The following RASGRF2 variants were observed in gnomAD, a reference collection of about 807,000 sequenced individuals.
RASGRF2 encodes the protein ras-specific guanine nucleotide-releasing factor 2.
In RASGRF2, 76 loss-of-function variants were observed where a neutral mutation model predicts 151.0. That is an observed-to-expected ratio of 0.50 (90% CI 0.42 to 0.61). The LOEUF is 0.61. Among genes scored for constraint, RASGRF2 ranks in the 20% least tolerant of loss-of-function variants. The probability of loss-of-function intolerance (pLI) is 0.00; values close to 1 mark genes in which losing one functional copy is unlikely to be tolerated. For synonymous variants in RASGRF2, 504 were observed against 566.5 expected, an observed-to-expected ratio of 0.89 and a Z score of 1.57; for missense variants, 1,148 against 1,564.6, an observed-to-expected ratio of 0.73 and a Z score of 4.49.
At chr5:80,971,348 G>A (rs1747925299) in intron 1 of RASGRF2, among the ~76,000 whole-genome samples, 1 of 152,114 alleles carries the variant, frequency 6.6e-6, no homozygotes, top group South Asian at 2.1e-4. Flanking sequence ...TTTCATGTTG[G>A]ATTTCTCTTC....
At chr5:81,174,589 G>C (rs892480145) in intron 17 of RASGRF2, among the ~76,000 whole-genome samples, 1 of 152,188 alleles carries the variant, frequency 6.6e-6, no homozygotes, top group Non-Finnish European at 1.5e-5. Flanking sequence ...TCATAGCAAA[G>C]CACAAACTTG....
chr5:80,994,937 AT>A (rs1748786244), intron 1 of RASGRF2, among the ~76,000 whole-genome samples: 1 of 152,138 alleles, frequency 6.6e-6, no homozygotes, highest in Non-Finnish European at 1.5e-5. Context: ...CACGATTAAC[AT>A]ATGGAATATT....
At chr5:81,003,424 C>T (rs1029648471) in intron 1 of RASGRF2, among the ~76,000 whole-genome samples, 9 of 152,228 alleles carry the variant, frequency 5.9e-5, no homozygotes, top group African/African-American at 1.4e-4. Flanking sequence ...AGGGTTTCAC[C>T]AGGTTAGCCA....
intron 1 of RASGRF2, among the ~76,000 whole-genome samples, chr5:80,987,756 C>T (rs1466229445): frequency 6.6e-6 from 1 of 152,176 alleles, no homozygotes; most frequent in Non-Finnish European, 1.5e-5. Flanking sequence ...TTTCATATAA[C>T]TTGAAATACT....
intron 24 of RASGRF2, chr5:81,217,028 C>T (rs1755754689): frequency 4.5e-6 from 2 of 445,034 alleles, no homozygotes; most frequent in African/African-American, 2.0e-5. Flanking sequence ...CAAGCTTCTA[C>T]CCCTCAAAAA....
At chr5:81,078,461 T>C (rs945794429) in intron 5 of RASGRF2, among the ~76,000 whole-genome samples, 1 of 152,190 alleles carries the variant, frequency 6.6e-6, no homozygotes, top group African/African-American at 2.4e-5. Context: ...TGAGATTAAC[T>C]TTTTTAGCTT....
Position 81,229,282 on chromosome 5 carries a change from A to AC in RASGRF2, c.*3513dup, listed in dbSNP as rs1400706095. 1 of 152,240 alleles carries AC rather than the reference A, an allele frequency of 6.6e-6. No individual in the cohort carries two copies. Among genetic ancestry groups the AC allele is most frequent in the Admixed American group, 6.5e-5 (1 of 15,284 alleles). The allele number at this position is 152,240 out of a possible 1,614,324, so 9.4% of individuals were successfully genotyped here. ...AACTATCGAAAAGGCATAAAAGAGA[A>AC]CATACTATTTATGGCTGAAGGGTAT... On this transcript the variant is annotated 3_prime_UTR_variant, in exon 27 of 27. Transcript: ENST00000265080.
chr5:81,132,435 T>C (rs1416222134), intron 17 of RASGRF2, among the ~76,000 whole-genome samples: 2 of 152,206 alleles, frequency 1.3e-5, no homozygotes, highest in Non-Finnish European at 2.9e-5. Context: ...GGGGAGGTGA[T>C]ACCAGTCTCT....
chr5:81,026,091 CCCTTCCTCTGTTCCTTCCTCT>C (rs1554086663), intron 1 of RASGRF2, among the ~76,000 whole-genome samples: 1 of 142,146 alleles, frequency 7.0e-6, no homozygotes, highest in Non-Finnish European at 1.5e-5. Flanking sequence ...CTTCCTTCCT[CCCTTCCTCTGTTCCTTCCTCT>C]CCTTCCTCTC....
intron 17 of RASGRF2, among the ~76,000 whole-genome samples, chr5:81,143,332 G>T (rs753693218): frequency 6.6e-6 from 1 of 151,672 alleles, no homozygotes; most frequent in Non-Finnish European, 1.5e-5. Context: ...ATTTTTAGTA[G>T]AGATGGGGTT....
In RASGRF2 at chr5:81,206,915, A is replaced by G. The variant is rs1398989262; in HGVS notation, c.2967+10A>G. 1.3e-6 allele frequency: 2 copies of G among 1,591,812 alleles called. No homozygotes were observed. Among genetic ancestry groups the G allele is most frequent in the Non-Finnish European group, 1.7e-6 (2 of 1,159,980 alleles). On this transcript the variant is annotated intron_variant, in intron 20 of 26. Coordinates refer to ENST00000265080, the MANE Select transcript of RASGRF2 (RefSeq NM_006909.3). ...GGATATAATTCAAATGGTAAGTCTG[A>G]CCACATTTTTATCTAGCACAACTAT...
chr5:81,149,107 G>C (rs1383920887), intron 17 of RASGRF2, among the ~76,000 whole-genome samples: 1 of 152,134 alleles, frequency 6.6e-6, no homozygotes, highest in African/African-American at 2.4e-5. Context: ...ACTAAAAGTA[G>C]AACTACCATT....
At chr5:81,055,134 A>C (rs1435982187) in intron 2 of RASGRF2, among the ~76,000 whole-genome samples, 1 of 152,166 alleles carries the variant, frequency 6.6e-6, no homozygotes, top group African/African-American at 2.4e-5. Context: ...CTCCCACCTG[A>C]TTGCCCTGGC....
chr5:81,209,637 T>C (rs973670222), intron 22 of RASGRF2, among the ~76,000 whole-genome samples: 3 of 152,214 alleles, frequency 2.0e-5, no homozygotes, highest in African/African-American at 7.2e-5. Flanking sequence ...ATGGCCCATC[T>C]AGTGCCTGCC....
At chr5:81,165,347 A>G (rs948142073) in intron 17 of RASGRF2, among the ~76,000 whole-genome samples, 4 of 152,148 alleles carry the variant, frequency 2.6e-5, no homozygotes, top group African/African-American at 7.2e-5. Flanking sequence ...TGAATAAAAA[A>G]TCTCTGATTT....
At chr5:81,087,305 A>G (rs1752265692) in intron 9 of RASGRF2, 1 of 703,096 alleles carries the variant, frequency 1.4e-6, no homozygotes, top group Non-Finnish European at 2.6e-6. Context: ...GCCAAGGCCC[A>G]GGAGAAACTT....
intron 15 of RASGRF2, among the ~76,000 whole-genome samples, chr5:81,120,699 G>T (rs755562849): frequency 2.6e-5 from 4 of 152,226 alleles, no homozygotes; most frequent in Non-Finnish European, 4.4e-5. Flanking sequence ...AATGAATACT[G>T]TGTGGTCTTC....
rs528443152 is a variant in RASGRF2 at position 80,994,340 on chromosome 5, T to C, written c.288+33314T>C. Among the ~76,000 whole-genome samples, 68 of 127,910 alleles carry C rather than the reference T, an allele frequency of 5.3e-4. 1 individual carries two copies. In the South Asian group the frequency reaches 0.017, roughly 32 times the overall value. The allele number at this position is 127,910 out of a possible 152,430, so 83.9% of individuals were successfully genotyped here. A position where few individuals can be genotyped will look rare whatever the true frequency, so the allele number is the denominator to read the frequency against. On this transcript the variant is annotated intron_variant, in intron 1 of 26. Coordinates refer to ENST00000265080, the MANE Select transcript of RASGRF2 (RefSeq NM_006909.3). ...GAGATTGCACCACTGCACTCCAGCC[T>C]GGGCGACAGAGCGACACTCTGTCTC...
At chr5:81,055,200 G>T (rs548727242) in intron 2 of RASGRF2, among the ~76,000 whole-genome samples, 6 of 152,246 alleles carry the variant, frequency 3.9e-5, no homozygotes, top group African/African-American at 1.4e-4. Flanking sequence ...TCCCTGTCTT[G>T]TGCCAGTTTT....
Sources: allele counts gnomAD v4.1 joint callset (sites outside exome capture counted in the v4.1 genomes callset), GRCh38; gene constraint gnomAD v4.1.1; transcripts MANE v1.5; gene names NCBI Gene and HGNC (gene_info 2026-07-23, HGNC 2026-07-21).